Variants in CUBN observed in about 807,000 individuals in gnomAD.
CUBN encodes the protein cubilin.
Under a neutral mutation model 405.3 loss-of-function variants are expected in CUBN, and 282 were observed. The ratio of observed to expected loss-of-function variants is 0.70; its 90% CI spans 0.63 to 0.77. The LOEUF is 0.77. Ranked by LOEUF, CUBN falls within the 30% of genes least tolerant of loss-of-function variation. The pLI, the probability that CUBN is intolerant of heterozygous loss-of-function variation, is 0.00. For missense variants in CUBN, 4,514 were observed against 4,475.2 expected (o/e 1.01, Z -0.25); for synonymous variants, 1,684 against 1,617.0 (o/e 1.04, Z -0.99).
chr10:16,950,342 T>G (rs1017401859), intron 33 of CUBN, among the ~76,000 whole-genome samples: 13 of 152,208 alleles, frequency 8.5e-5, no homozygotes, highest in African/African-American at 3.1e-4. Context: ...GGATAAATGC[T>G]TGAAGGGATG....
chr10:17,085,085 A>C (rs900090007), intron 16 of CUBN, among the ~76,000 whole-genome samples: 1 of 152,230 alleles, frequency 6.6e-6, no homozygotes, highest in South Asian at 2.1e-4. Context: ...AATCCAAATC[A>C]TAGAGTATTT....
intron 54 of CUBN, among the ~76,000 whole-genome samples, chr10:16,894,048 T>G (rs1841110849): frequency 6.6e-6 from 1 of 152,196 alleles, no homozygotes; most frequent in South Asian, 2.1e-4. Context: ...TATCTGCCCA[T>G]GTCTTTTGTC....
intron 4 of CUBN, among the ~76,000 whole-genome samples, chr10:17,125,285 G>T (rs896841413): frequency 4.6e-5 from 7 of 151,726 alleles, no homozygotes; most frequent in African/African-American, 1.7e-4. Context: ...TATATACAGT[G>T]ACTCATAAAA....
In CUBN at chr10:16,913,941, T is replaced by A. The variant is rs757744293; in HGVS notation, c.7403A>T (p.Tyr2468Phe). ...GSIGTFTSPN[Y>F]PNPNPHGRIC... ...CCGGCCATGAGGATTTGGGTTCGGGTAGTTGGGAGAAGTAAATGTTCCAAT... is the reference window on the plus strand; with the variant it reads ...CCGGCCATGAGGATTTGGGTTCGGGAAGTTGGGAGAAGTAAATGTTCCAAT... The change falls in exon 48 of 67, where the codon TAC (tyrosine) becomes TTC (phenylalanine). Residue 2468 changes from tyrosine (Y) to phenylalanine (F), a missense_variant. Tyr to Phe is a conservative substitution (Grantham distance 22). Coordinates refer to ENST00000377833, the MANE Select transcript of CUBN (RefSeq NM_001081.4). The A allele has an allele frequency of 6.2e-7, 1 of 1,613,812 alleles. No homozygotes were observed. Among genetic ancestry groups the A allele is most frequent in the Non-Finnish European group, 8.5e-7 (1 of 1,180,012 alleles).
At chr10:17,065,277 A>G (rs545121881) in intron 22 of CUBN, among the ~76,000 whole-genome samples, 1 of 152,256 alleles carries the variant, frequency 6.6e-6, no homozygotes, top group African/African-American at 2.4e-5. Context: ...ACGTTCTTTT[A>G]ACAAAACCAC....
At chr10:16,889,106 A>G (rs1346597485) in intron 55 of CUBN, among the ~76,000 whole-genome samples, 2 of 152,232 alleles carry the variant, frequency 1.3e-5, no homozygotes, top group East Asian at 3.8e-4. Flanking sequence ...AGAAAGAAAT[A>G]TCTTTTCACC....
chr10:16,933,178 C>T lies in CUBN; in HGVS notation c.6033G>A (p.Gln2011=). ...SNRVDCTWLI[Q]APDSTVELNI... is the part of the protein sequence containing the mutation. ...TGAGTTCCACGGTAGAGTCGGGAGC[C>T]TGGATGAGCCACGTACAGTCCACTC... Residue 2011 remains glutamine (Q), a synonymous_variant, in exon 40 of 67, where the codon CAG becomes CAA. Coordinates refer to ENST00000377833, the MANE Select transcript of CUBN (RefSeq NM_001081.4). 1 of 1,614,020 alleles carries T rather than the reference C, an allele frequency of 6.2e-7. No individual in the cohort carries two copies. The highest frequency in any genetic ancestry group is 8.5e-7 in the Non-Finnish European group (1 of 1,179,996).
At position 16,836,390 on chromosome 10, in the gene CUBN, GA is replaced by G. The variant is rs1403467573; in HGVS notation, c.10033-9del. 1 of 1,613,256 alleles carries G rather than the reference GA, an allele frequency of 6.2e-7. No individual in the cohort carries two copies. The highest frequency in any genetic ancestry group is 8.5e-7 in the Non-Finnish European group (1 of 1,179,338). On this transcript the variant is annotated splice_polypyrimidine_tract_variant and intron_variant, in intron 62 of 66. Transcript: ENST00000377833. Reference sequence around the variant, plus strand: ...TCTTGAATTTCCGTGACCCTGAAATGAAATGGGAGCCAAATCATGTTAGATT... The same window carrying G: ...TCTTGAATTTCCGTGACCCTGAAATGAATGGGAGCCAAATCATGTTAGATT...
intron 55 of CUBN, among the ~76,000 whole-genome samples, chr10:16,889,025 T>A (rs988938667): frequency 6.6e-6 from 1 of 152,336 alleles, no homozygotes; most frequent in African/African-American, 2.4e-5. Flanking sequence ...AATGGTTGCT[T>A]TTTAAAACTA....
At chr10:16,969,567 A>C (rs1310977891) in intron 31 of CUBN, among the ~76,000 whole-genome samples, 2 of 152,110 alleles carry the variant, frequency 1.3e-5, no homozygotes, top group East Asian at 3.9e-4. Flanking sequence ...GTTGGCCAGG[A>C]TGGTCTCAAT....
At position 16,829,912 on chromosome 10, in the gene CUBN, C is replaced by T. The variant is rs56286455; in HGVS notation, c.10529-872G>A. ...TCTTGGCTCACTGCAAGCTCCACCTCCCGGGTTCATGGTGGGTTTTTTTTG... is the reference window on the plus strand; with the variant it reads ...TCTTGGCTCACTGCAAGCTCCACCTTCCGGGTTCATGGTGGGTTTTTTTTG... On this transcript the variant is annotated intron_variant, in intron 65 of 66. Transcript: ENST00000377833. Among the ~76,000 whole-genome samples, 1,253 of 149,816 alleles carry T rather than the reference C, an allele frequency of 8.4e-3. 18 individuals carry two copies. Among genetic ancestry groups the T allele is most frequent in the African/African-American group, 0.029 (1,161 of 40,358 alleles).
intron 28 of CUBN, among the ~76,000 whole-genome samples, chr10:17,002,800 A>C (rs904190525): frequency 2.6e-5 from 4 of 152,358 alleles, no homozygotes; most frequent in East Asian, 1.9e-4. Context: ...CCAACTTTAC[A>C]ACAAGGAGTT....
At chr10:16,908,914 C>T (rs374694364) in intron 48 of CUBN, among the ~76,000 whole-genome samples, 5 of 130,324 alleles carry the variant, frequency 3.8e-5, no homozygotes, top group African/African-American at 1.1e-4. Context: ...CTCGCTCTGT[C>T]GCCCAGGCGG....
intron 28 of CUBN, among the ~76,000 whole-genome samples, chr10:16,992,247 G>C (rs1488154693): frequency 6.6e-6 from 1 of 152,096 alleles, no homozygotes; most frequent in African/African-American, 2.4e-5. Flanking sequence ...GTCATGGGGT[G>C]GGGGAAGGGG....
chr10:17,093,802 G>A (rs1424109657), intron 14 of CUBN, among the ~76,000 whole-genome samples: 1 of 152,026 alleles, frequency 6.6e-6, no homozygotes, highest in African/African-American at 2.4e-5. Flanking sequence ...AGAGGAAAAG[G>A]TTGACAAAAT....
chr10:17,046,614 C>T (rs1344719429), intron 23 of CUBN, among the ~76,000 whole-genome samples: 1 of 151,778 alleles, frequency 6.6e-6, no homozygotes, highest in Non-Finnish European at 1.5e-5. Context: ...TTGAAACAAA[C>T]AACAAAAAAG....
chr10:16,874,334 T>C (rs779873202), intron 58 of CUBN, 40 bp downstream of exon 58: 2 of 1,610,620 alleles, frequency 1.2e-6, no homozygotes, highest in East Asian at 4.5e-5. Flanking sequence ...TAAATAATGC[T>C]GAAAGGATTT....
chr10:17,011,360 G>A (rs1426105617), intron 28 of CUBN, among the ~76,000 whole-genome samples: 3 of 152,164 alleles, frequency 2.0e-5, no homozygotes, highest in African/African-American at 7.2e-5. Context: ...TGGTCTCGCT[G>A]ACTTTAGGAG....
chr10:17,129,149 T>G lies in CUBN; in HGVS notation c.224A>C (p.Asp75Ala). ...ATGTAAACACTCACTGAGATCTTCA[T>G]CATTTAATTTAATTTTTCCCAGGGA... ...TGSLGKIKLN[D>A]EDLSECLHQI... Residue 75 changes from aspartate to alanine, a missense_variant, in exon 2 of 67, where the codon GAT (aspartate) becomes GCT (alanine). By Grantham distance (126) the Asp-to-Ala change is moderately radical (BLOSUM62 -2). Around this residue, in one of 5 missense-constraint regions of CUBN, gnomAD observed 1,448 missense variants for 1,388.0 expected, o/e 1.04. Transcript: ENST00000377833. 6.2e-7 allele frequency: 1 copy of G among 1,613,204 alleles called. No homozygotes were observed. Among genetic ancestry groups the G allele is most frequent in the South Asian group, 1.1e-5 (1 of 91,060 alleles).
Sources: gnomAD v4.1 joint callset for allele counts (sites outside exome capture counted in the v4.1 genomes callset) on GRCh38, gnomAD v4.1.1 for gene constraint, gnomAD v4.1.1 regional missense constraint, MANE v1.5 for transcripts, NCBI Gene and HGNC (gene_info 2026-07-23, HGNC 2026-07-21) for gene names.